Variants in AMOTL1 observed in about 807,000 individuals in gnomAD.
AMOTL1 encodes the protein angiomotin-like protein 1.
In AMOTL1, 45 loss-of-function variants were observed where a neutral mutation model predicts 102.9. That is an observed-to-expected ratio of 0.44 (90% CI 0.34 to 0.56). The LOEUF (loss-of-function observed/expected upper bound fraction) is 0.56, where lower values mean the gene tolerates loss of function less well. Ranked by LOEUF, AMOTL1 falls within the 20% of genes least tolerant of loss-of-function variation. The pLI is 0.01. For missense variants in AMOTL1, 1,114 were observed against 1,225.6 expected (o/e 0.91, Z 1.36); for synonymous variants, 481 against 484.7 (o/e 0.99, Z 0.10).
chr11:94,859,351 TGTC>T (rs1378508712), intron 8 of AMOTL1, among the ~76,000 whole-genome samples, 171 bp from the exon 9 acceptor site: 6 of 152,138 alleles, frequency 3.9e-5, no homozygotes, highest in Non-Finnish European at 7.4e-5. Flanking sequence ...GGGATAATAT[TGTC>T]GTTTTGCAGA....
rs1298257822 is a variant in AMOTL1, at chr11:94,869,311, G to T, written c.2602G>T (p.Ala868Ser). 1.2e-6 allele frequency: 2 copies of T among 1,612,506 alleles called. No individual in the cohort carries two copies. Among genetic ancestry groups the T allele is most frequent in the Non-Finnish European group, 1.7e-6 (2 of 1,179,344 alleles). Residue 868 changes from alanine (A) to serine (S), a missense_variant, in exon 12 of 13, where the codon GCC becomes TCC. Transcript: ENST00000433060. Reference protein sequence around the residue: ...ASTTAASSAHAKTGSKDSSTQ... With the variant: ...ASTTAASSAHSKTGSKDSSTQ... Reference sequence around the variant, plus strand: ...CACTACGGCAGCCAGCAGTGCCCACGCCAAGACAGGCAGCAAGGACAGCAG... The same window carrying T: ...CACTACGGCAGCCAGCAGTGCCCACTCCAAGACAGGCAGCAAGGACAGCAG...
rs764424324 is a variant in AMOTL1, at chr11:94,723,187, C to T, written c.-50-5734C>T. ...CCATGCACCGTGCTAACAGTGGGAA[C>T]GGAAGGGTGAACAAGATGTGATTTT... On this transcript the variant is annotated intron_variant, in intron 1 of 4. Coordinates refer to the AMOTL1 transcript ENST00000299004. 5.3e-5 allele frequency among the ~76,000 whole-genome samples: 8 copies of T among 152,156 alleles called. No homozygotes were observed. The South Asian group carries it at 6.2e-4, about 12-fold the overall frequency.
In AMOTL1 at chr11:94,843,631, A is replaced by G. The variant is rs551777523; in HGVS notation, c.1649-6483A>G. On this transcript the variant is annotated intron_variant, in intron 6 of 12. Transcript: ENST00000433060. ...TCCAACATCTGTTCAGTATTATCAG[A>G]TATGGTGCCAGGTATCTTGGAACTG... 2.2e-4 allele frequency among the ~76,000 whole-genome samples: 34 copies of G among 152,328 alleles called. No individual in the cohort carries two copies. In the Middle Eastern group the frequency reaches 0.014, roughly 61 times the overall value.
chr11:94,755,766 A>C (rs1250226610), intron 3 of AMOTL1, among the ~76,000 whole-genome samples: 3 of 152,114 alleles, frequency 2.0e-5, no homozygotes, highest in Non-Finnish European at 1.5e-5. Flanking sequence ...GGCAGCATCT[A>C]GGGTTGACTG....
At chr11:94,796,204 C>T (rs1457369975) in intron 2 of AMOTL1, among the ~76,000 whole-genome samples, 2 of 152,126 alleles carry the variant, frequency 1.3e-5, no homozygotes, top group Admixed American at 6.5e-5. Context: ...CACATACATT[C>T]CTATGAGGCA....
chr11:94,756,209 G>A (rs938074929), intron 3 of AMOTL1, among the ~76,000 whole-genome samples: 3 of 152,098 alleles, frequency 2.0e-5, no homozygotes, highest in African/African-American at 7.2e-5. Flanking sequence ...CTAGGGTCTC[G>A]GGTTTTTATG....
intron 2 of AMOTL1, among the ~76,000 whole-genome samples, chr11:94,733,428 A>G (rs541262806): frequency 6.6e-6 from 1 of 152,352 alleles, no homozygotes; most frequent in Admixed American, 6.5e-5. Context: ...CACTTATTAA[A>G]GATTAGTGGC....
At chr11:94,760,967 T>A (rs1441831173) in intron 3 of AMOTL1, among the ~76,000 whole-genome samples, 1 of 152,020 alleles carries the variant, frequency 6.6e-6, no homozygotes, top group Non-Finnish European at 1.5e-5. Context: ...AGGGACAGGG[T>A]CTGACTGTGT....
In AMOTL1 at chr11:94,788,583, A is replaced by T. The variant is rs139777505; in HGVS notation, c.50-6428A>T. Among the ~76,000 whole-genome samples, 5 of 152,310 alleles carry T rather than the reference A, an allele frequency of 3.3e-5. 1 individual carries two copies. In the East Asian group the frequency reaches 9.7e-4, roughly 29 times the overall value. ...CGTCAGTCAACAGGTAGTAATGATT[A>T]CTCATGGAACTCCAAAGCAGTATGT... On this transcript the variant is annotated intron_variant, in intron 1 of 12. Coordinates refer to ENST00000433060, the MANE Select transcript of AMOTL1 (RefSeq NM_130847.3).
In AMOTL1 at chr11:94,768,533, C is replaced by T. The variant is rs768230373; in HGVS notation, c.22C>T (p.Arg8Trp). The T allele has an allele frequency of 6.2e-7, 1 of 1,601,978 alleles. No individual in the cohort carries two copies. The highest frequency in any genetic ancestry group is 8.5e-7 in the Non-Finnish European group (1 of 1,174,790). MWRAKLR[R>W]GTCEPAVKGS... ...CCTCATGTGGAGGGCAAAGTTGCGC[C>T]GGGGAACTTGTGAGCCTGCGGTGAA... The change falls in exon 1 of 13, where the codon CGG (arginine) becomes TGG (tryptophan). Residue 8 changes from arginine (R) to tryptophan (W), a missense_variant. Coordinates refer to ENST00000433060, the MANE Select transcript of AMOTL1 (RefSeq NM_130847.3).
At chr11:94,810,713 T>G (rs994798792) in intron 3 of AMOTL1, among the ~76,000 whole-genome samples, 3 of 151,516 alleles carry the variant, frequency 2.0e-5, no homozygotes, top group African/African-American at 2.4e-5. Flanking sequence ...CAGCAGAGTG[T>G]GGCAAGAGAA....
At chr11:94,844,702 A>G (rs1455282717) in intron 6 of AMOTL1, among the ~76,000 whole-genome samples, 3 of 152,200 alleles carry the variant, frequency 2.0e-5, no homozygotes, top group Non-Finnish European at 2.9e-5. Context: ...GCATTAATTC[A>G]TTCATGAGGG....
Position 94,821,627 on chromosome 11 carries a change from C to A in AMOTL1, c.1219C>A (p.Leu407Met). The A allele has an allele frequency of 6.2e-7, 1 of 1,613,900 alleles. No individual in the cohort carries two copies. ...CAGCGGGCCACTGCACTCTGTCTCC[C>A]TGCCGCTTCCACTCCCGATGGCCCT... ...SASGPLHSVS[L>M]PLPLPMALGA... is the part of the protein sequence containing the mutation. Residue 407 changes from leucine (L) to methionine (M), a missense_variant, in exon 4 of 13, where the codon CTG (leucine) becomes ATG (methionine). Coordinates refer to ENST00000433060, the MANE Select transcript of AMOTL1 (RefSeq NM_130847.3).
intron 6 of AMOTL1, among the ~76,000 whole-genome samples, chr11:94,848,049 C>T (rs1304875140): frequency 6.6e-6 from 1 of 152,156 alleles, no homozygotes; most frequent in African/African-American, 2.4e-5. Flanking sequence ...ACCTGAGTGC[C>T]CTCCAGAGCT....
chr11:94,781,406 A>G (rs1021459685), intron 1 of AMOTL1, among the ~76,000 whole-genome samples: 2 of 152,084 alleles, frequency 1.3e-5, no homozygotes, highest in Admixed American at 1.3e-4. Flanking sequence ...GATTGTCAGC[A>G]TTTTCATCTT....
chr11:94,875,959 T>A lies in AMOTL1; in HGVS notation c.*5164T>A, dbSNP rs1953087930. 1 of 152,664 alleles carries A rather than the reference T, an allele frequency of 6.6e-6. No homozygotes were observed. Among genetic ancestry groups the A allele is most frequent in the Non-Finnish European group, 1.5e-5 (1 of 68,044 alleles). The allele number at this position is 152,664 out of a possible 1,614,324, so 9.5% of individuals were successfully genotyped here. ...GTAAAACTGTGTTTACTTTAGTGCA[T>A]GTTATTGTCATGTTATGATGTGACT... On this transcript the variant is annotated 3_prime_UTR_variant, in exon 13 of 13. Coordinates refer to ENST00000433060, the MANE Select transcript of AMOTL1 (RefSeq NM_130847.3).
rs1951438182 is a variant in AMOTL1, at chr11:94,799,840, G to C, written c.650G>C (p.Gly217Ala). 6.3e-7 allele frequency: 1 copy of C among 1,592,614 alleles called. No individual in the cohort carries two copies. The highest frequency in any genetic ancestry group is 8.6e-7 in the Non-Finnish European group (1 of 1,169,294). Residue 217 changes from glycine (G) to alanine (A), a missense_variant, in exon 3 of 13, where the codon GGT becomes GCT. By Grantham distance (60) the Gly-to-Ala change is moderately conservative. Coordinates refer to ENST00000433060, the MANE Select transcript of AMOTL1 (RefSeq NM_130847.3). This position sits in a 1 kb window ranked among gnomAD's most constrained non-coding sequence, Gnocchi z 4.5. ...QQQQQGAVGH[G>A]YYMAGGTSQK... ...CAGCAGCAGGGGGCGGTGGGCCATG[G>C]TTACTACATGGCAGGGGGCACCAGT...
At chr11:94,772,899 A>C (rs1040288456) in intron 1 of AMOTL1, among the ~76,000 whole-genome samples, 2 of 152,170 alleles carry the variant, frequency 1.3e-5, no homozygotes, top group Admixed American at 1.3e-4. Flanking sequence ...AGTTGTCCTA[A>C]TAGGTGTTCT....
chr11:94,866,566 T>G (rs1397055248), intron 11 of AMOTL1: 23 of 226,010 alleles, frequency 1.0e-4, no homozygotes, highest in Non-Finnish European at 1.1e-4. Context: ...GTCTGCCTGC[T>G]TTACCCCATG....
Sources: allele counts gnomAD v4.1 joint callset (sites outside exome capture counted in the v4.1 genomes callset), GRCh38; gene constraint gnomAD v4.1.1; non-coding constraint Gnocchi (gnomAD v3.1); transcripts MANE v1.5; gene names NCBI Gene and HGNC (gene_info 2026-07-23, HGNC 2026-07-21).